The following SLC16A10 variants were observed in gnomAD, a reference collection of about 807,000 sequenced individuals.
The protein encoded by SLC16A10 is solute carrier family 16 member 10.
SLC16A10 carries 27 observed loss-of-function variants against 40.0 expected under a neutral mutation model. The ratio of observed to expected loss-of-function variants is 0.67; its 90% CI spans 0.50 to 0.93. SLC16A10 has a LOEUF of 0.93. Ranked by LOEUF, SLC16A10 falls within the 40% of genes least tolerant of loss-of-function variation. The pLI is 0.00. For missense variants in SLC16A10, 529 were observed against 658.2 expected, an observed-to-expected ratio of 0.80 and a Z score of 2.15; for synonymous variants, 213 against 249.8, an observed-to-expected ratio of 0.85 and a Z score of 1.39.
chr6:111,203,787 C>CTA (rs775005411), intron 3 of SLC16A10, among the ~76,000 whole-genome samples: 7 of 150,936 alleles, frequency 4.6e-5, no homozygotes, highest in Non-Finnish European at 8.9e-5. Context: ...AACTAAGTTC[C>CTA]TACCTAAGCA....
At chr6:111,139,592 G>A (rs757733271) in intron 1 of SLC16A10, among the ~76,000 whole-genome samples, 1 of 152,136 alleles carries the variant, frequency 6.6e-6, no homozygotes, top group South Asian at 2.1e-4. Context: ...GAGCCACCAC[G>A]CCCAGCCGAT....
At chr6:111,093,922 A>G (rs1391484811) in intron 1 of SLC16A10, among the ~76,000 whole-genome samples, 1 of 152,206 alleles carries the variant, frequency 6.6e-6, no homozygotes, top group Non-Finnish European at 1.5e-5. Context: ...TGGGCGTTTC[A>G]TACTTCATTT....
chr6:111,183,171 C>T (rs1562425193), intron 3 of SLC16A10, among the ~76,000 whole-genome samples: 1 of 152,194 alleles, frequency 6.6e-6, no homozygotes, highest in African/African-American at 2.4e-5. Flanking sequence ...GAGCTTCCAT[C>T]GCTGTCCCTT....
intron 1 of SLC16A10, among the ~76,000 whole-genome samples, chr6:111,122,039 T>C (rs893369962): frequency 2.6e-5 from 4 of 152,154 alleles, no homozygotes; most frequent in Non-Finnish European, 5.9e-5. Flanking sequence ...CCTTGGGTGA[T>C]GACTGGGTCA....
chr6:111,215,945 A>C (rs1332581738), intron 4 of SLC16A10, among the ~76,000 whole-genome samples: 1 of 152,198 alleles, frequency 6.6e-6, no homozygotes, highest in African/African-American at 2.4e-5. Context: ...GCAGTGAGCT[A>C]TGATCGCACC....
intron 3 of SLC16A10, among the ~76,000 whole-genome samples, chr6:111,205,173 A>G (rs1773234378): frequency 6.6e-6 from 1 of 152,254 alleles, no homozygotes; most frequent in Non-Finnish European, 1.5e-5. Context: ...AAAACAGTTA[A>G]TAGTTTTGAA....
intron 3 of SLC16A10, among the ~76,000 whole-genome samples, chr6:111,188,534 C>G (rs941800768): frequency 4.6e-5 from 7 of 152,102 alleles, no homozygotes; most frequent in Admixed American, 1.3e-4. Flanking sequence ...GTTGCTTAGG[C>G]TGGCCTTGAA....
chr6:111,171,724 G>A lies in SLC16A10; in HGVS notation c.344-971G>A, dbSNP rs547313826. Among the ~76,000 whole-genome samples the A allele has an allele frequency of 2.7e-5, 4 of 149,126 alleles. No homozygotes were observed. The East Asian group carries it at 8.0e-4, about 30-fold the overall frequency. ...CTAGCTACTTGGAAGATTGAGGTGG[G>A]AAATTTGCTTGAGCCTGGGCTGTCG... On this transcript the variant is annotated intron_variant, in intron 1 of 5. Coordinates refer to ENST00000368851, the MANE Select transcript of SLC16A10 (RefSeq NM_018593.5).
At chr6:111,208,199 G>A (rs935546547) in intron 4 of SLC16A10, among the ~76,000 whole-genome samples, 12 of 152,014 alleles carry the variant, frequency 7.9e-5, no homozygotes, top group Non-Finnish European at 5.9e-5. Flanking sequence ...GGCTGGTCTC[G>A]AACTCCTGGA....
intron 1 of SLC16A10, among the ~76,000 whole-genome samples, chr6:111,094,408 A>C (rs1771036802): frequency 6.6e-6 from 1 of 152,248 alleles, no homozygotes; most frequent in Non-Finnish European, 1.5e-5. Flanking sequence ...CAAAAATGAC[A>C]GCCCATTTGT....
intron 4 of SLC16A10, among the ~76,000 whole-genome samples, chr6:111,216,566 CTAACTTT>C (rs1301046526): frequency 2.1e-5 from 2 of 94,384 alleles, no homozygotes; most frequent in Non-Finnish European, 4.1e-5. Context: ...CCACGCCCGG[CTAACTTT>C]TTTTTTTTTT....
chr6:111,115,354 C>T (rs1259238590), intron 1 of SLC16A10, among the ~76,000 whole-genome samples: 3 of 152,282 alleles, frequency 2.0e-5, no homozygotes, highest in Non-Finnish European at 2.9e-5. Context: ...GGATTATAGG[C>T]GCCTGCCATC....
intron 3 of SLC16A10, among the ~76,000 whole-genome samples, chr6:111,206,081 CTT>C (rs200318165): frequency 2.0e-4 from 29 of 142,814 alleles, no homozygotes; most frequent in Admixed American, 4.2e-4. Context: ...TATAAACATG[CTT>C]TTTTTTTTTT....
chr6:111,134,037 A>C (rs1771832158), intron 1 of SLC16A10, among the ~76,000 whole-genome samples: 1 of 152,198 alleles, frequency 6.6e-6, no homozygotes, highest in Non-Finnish European at 1.5e-5. Flanking sequence ...ACCTCAAATG[A>C]GAGAAGTGCT....
intron 1 of SLC16A10, among the ~76,000 whole-genome samples, chr6:111,094,815 T>A (rs966933816): frequency 2.6e-5 from 4 of 152,152 alleles, no homozygotes; most frequent in African/African-American, 4.8e-5. Flanking sequence ...TTAAAAAAAA[T>A]TTTTATGTGG....
chr6:111,130,253 G>A (rs929819086), intron 1 of SLC16A10, among the ~76,000 whole-genome samples: 6 of 152,198 alleles, frequency 3.9e-5, no homozygotes, highest in Non-Finnish European at 8.8e-5. Flanking sequence ...TCCCATCACA[G>A]TGGAGTCAAC....
intron 1 of SLC16A10, among the ~76,000 whole-genome samples, chr6:111,146,001 C>T (rs1772070125): frequency 6.6e-6 from 1 of 152,120 alleles, no homozygotes; most frequent in East Asian, 1.9e-4. Context: ...TCAAAGGGCA[C>T]ACCAAGAAAG....
At chr6:111,216,607 G>A (rs1177234691) in intron 4 of SLC16A10, among the ~76,000 whole-genome samples, 1 of 151,090 alleles carries the variant, frequency 6.6e-6, no homozygotes, top group Non-Finnish European at 1.5e-5. Context: ...AGTAGAGACG[G>A]GGTTTCACCG....
intron 1 of SLC16A10, among the ~76,000 whole-genome samples, chr6:111,167,260 G>A (rs1416651803): frequency 6.6e-6 from 1 of 152,178 alleles, no homozygotes; most frequent in Non-Finnish European, 1.5e-5. Context: ...TAGGGGAAGA[G>A]GCACAAAGCA....
Sources: gnomAD v4.1 joint callset for allele counts (sites outside exome capture counted in the v4.1 genomes callset) on GRCh38, gnomAD v4.1.1 for gene constraint, MANE v1.5 for transcripts, NCBI Gene and HGNC (gene_info 2026-07-23, HGNC 2026-07-21) for gene names.